Variants in MYRIP observed in about 807,000 individuals in gnomAD.
MYRIP encodes the protein myosin VIIA and Rab interacting protein.
Under a neutral mutation model 98.0 loss-of-function variants are expected in MYRIP, and 49 were observed. The ratio of observed to expected loss-of-function variants is 0.50; its 90% CI spans 0.40 to 0.63. MYRIP has a LOEUF of 0.63. Among genes scored for constraint, MYRIP ranks in the 30% least tolerant of loss-of-function variants. The probability of loss-of-function intolerance (pLI) is 0.00; values close to 1 mark genes in which losing one functional copy is unlikely to be tolerated. For missense variants in MYRIP, 1,004 were observed against 1,058.2 expected, an observed-to-expected ratio of 0.95 and a Z score of 0.71; for synonymous variants, 404 against 409.5, an observed-to-expected ratio of 0.99 and a Z score of 0.16.
chr3:40,182,515 G>A (rs937795157), intron 9 of MYRIP, 142 bp downstream of exon 9: 11 of 913,250 alleles, frequency 1.2e-5, no homozygotes, highest in Non-Finnish European at 1.8e-5. Flanking sequence ...CAAGTCATGA[G>A]GCCTCCAGCA....
chr3:40,032,552 C>T (rs1349641134), intron 2 of MYRIP, among the ~76,000 whole-genome samples: 1 of 152,112 alleles, frequency 6.6e-6, no homozygotes, highest in Non-Finnish European at 1.5e-5. Flanking sequence ...CCACTTGGTG[C>T]AGGCTCTGAA....
rs138976978 is a variant in MYRIP, at chr3:39,959,472, A to G, written c.110+58546A>G. ...CTCACTCATAGGTGGGAATTGAACA[A>G]TGAGAACACTTGGACACAGGGTGGG... is the stretch of plus-strand genomic sequence containing the variant. On this transcript the variant is annotated intron_variant, in intron 2 of 16. Transcript: ENST00000302541. Among the ~76,000 whole-genome samples, 1,060 of 152,170 alleles carry G rather than the reference A, an allele frequency of 7.0e-3. 11 individuals are homozygous for G. Among genetic ancestry groups the G allele is most frequent in the African/African-American group, 0.024 (1,011 of 41,518 alleles).
chr3:40,156,922 C>T (rs1317761480), intron 4 of MYRIP, among the ~76,000 whole-genome samples: 4 of 152,110 alleles, frequency 2.6e-5, no homozygotes, highest in Admixed American at 2.0e-4. Flanking sequence ...TCTAGATATA[C>T]AATCATGTCA....
At chr3:40,258,052 A>C in intron 16 of MYRIP, 82 bp from the exon 17 acceptor site, 1 of 1,452,444 alleles carries the variant, frequency 6.9e-7, no homozygotes, top group Non-Finnish European at 9.7e-7. Flanking sequence ...TTGATATTAA[A>C]AAGCAGTAAA....
At chr3:40,021,791 T>A (rs1025805223) in intron 2 of MYRIP, among the ~76,000 whole-genome samples, 1 of 152,216 alleles carries the variant, frequency 6.6e-6, no homozygotes, top group Non-Finnish European at 1.5e-5. Flanking sequence ...GAAGGAGGAA[T>A]GAAACAGCTT....
intron 3 of MYRIP, among the ~76,000 whole-genome samples, chr3:40,108,495 A>AG (rs1949097570): frequency 6.6e-6 from 1 of 152,188 alleles, no homozygotes; most frequent in Admixed American, 6.5e-5. Flanking sequence ...GGGCAGAGGA[A>AG]GAGGAGTCTT....
chr3:40,212,651 A>G (rs1266401717), intron 11 of MYRIP, among the ~76,000 whole-genome samples: 1 of 152,146 alleles, frequency 6.6e-6, no homozygotes, highest in African/African-American at 2.4e-5. Context: ...AGTCTCAGCT[A>G]TGTAAGAGGC....
At chr3:40,216,961 C>T (rs759670478) in intron 11 of MYRIP, among the ~76,000 whole-genome samples, 52 of 152,132 alleles carry the variant, frequency 3.4e-4, no homozygotes, top group Non-Finnish European at 6.9e-4. Flanking sequence ...TAAAAAATAA[C>T]ATGTGTGGCT....
chr3:40,019,663 G>T (rs1334926591), intron 2 of MYRIP, among the ~76,000 whole-genome samples: 2 of 151,990 alleles, frequency 1.3e-5, no homozygotes. Context: ...TTGGATGAAT[G>T]AATACATGAA....
At chr3:40,096,616 G>A (rs145166278) in intron 3 of MYRIP, among the ~76,000 whole-genome samples, 448 of 152,290 alleles carry the variant, frequency 2.9e-3, no homozygotes, top group Non-Finnish European at 5.2e-3. Flanking sequence ...CAGAATTCCT[G>A]CATGATCTCA....
At chr3:40,078,271 C>T (rs994140874) in intron 3 of MYRIP, among the ~76,000 whole-genome samples, 1 of 152,200 alleles carries the variant, frequency 6.6e-6, no homozygotes, top group Admixed American at 6.5e-5. Flanking sequence ...GGCCCGAAAG[C>T]GCTGTGTGCA....
rs1368653311 is a variant in MYRIP at position 39,876,223 on chromosome 3, A to G, written c.-30-24564A>G. ...ATCTTCTTCCATCGTTTTATTTTGA[A>G]CCTATGTGTGTCTGTCCACGTGAGA... On this transcript the variant is annotated intron_variant, in intron 1 of 16. Coordinates refer to ENST00000302541, the MANE Select transcript of MYRIP (RefSeq NM_015460.4). 7.6e-3 allele frequency among the ~76,000 whole-genome samples: 1,145 copies of G among 151,458 alleles called. 18 individuals carry two copies. The highest frequency in any genetic ancestry group is 0.026 in the African/African-American group (1,082 of 40,998).
At chr3:39,934,248 G>T (rs1490685059) in intron 2 of MYRIP, among the ~76,000 whole-genome samples, 1 of 152,160 alleles carries the variant, frequency 6.6e-6, no homozygotes, top group Non-Finnish European at 1.5e-5. Flanking sequence ...AGTACAGGCT[G>T]TGGTATTTCA....
rs370572536 is a variant in MYRIP at position 39,962,291 on chromosome 3, T to G, written c.110+61365T>G. Among the ~76,000 whole-genome samples, 89 of 152,242 alleles carry G rather than the reference T, an allele frequency of 5.8e-4. 1 individual carries two copies. The South Asian group carries it at 0.018, about 30-fold the overall frequency. On this transcript the variant is annotated intron_variant, in intron 2 of 16. Coordinates refer to ENST00000302541, the MANE Select transcript of MYRIP (RefSeq NM_015460.4). ...CCTCAGTAAGTGTCAGTGGTTATTG[T>G]GTCTAAACCCCTGACCTGTTGTTAT...
At chr3:39,813,990 T>C (rs1940788673) in intron 1 of MYRIP, among the ~76,000 whole-genome samples, 1 of 152,256 alleles carries the variant, frequency 6.6e-6, no homozygotes, top group South Asian at 2.1e-4. Context: ...TAGCTTAGCA[T>C]TCCTTTGATA....
chr3:39,882,151 T>C (rs1336613611), intron 1 of MYRIP, among the ~76,000 whole-genome samples: 1 of 152,154 alleles, frequency 6.6e-6, no homozygotes, highest in African/African-American at 2.4e-5. Flanking sequence ...AGCTGTAGTA[T>C]AATGAGTGAT....
chr3:40,062,815 C>A lies in MYRIP; in HGVS notation c.332+18544C>A, dbSNP rs908065191. Among the ~76,000 whole-genome samples, 27 of 152,174 alleles carry A rather than the reference C, an allele frequency of 1.8e-4. 1 individual carries two copies. Among genetic ancestry groups the A allele is most frequent in the Non-Finnish European group, 4.0e-4 (27 of 68,042 alleles). Reference sequence around the variant, plus strand: ...TGATCACTTCACTGAGTTATTTGTGCTGGTAGCATCGTGTGCCATTTTTCA... The same window carrying A: ...TGATCACTTCACTGAGTTATTTGTGATGGTAGCATCGTGTGCCATTTTTCA... On this transcript the variant is annotated intron_variant, in intron 3 of 16. Coordinates refer to ENST00000302541, the MANE Select transcript of MYRIP (RefSeq NM_015460.4).
chr3:40,062,822 C>T (rs750805425), intron 3 of MYRIP, among the ~76,000 whole-genome samples: 4 of 152,180 alleles, frequency 2.6e-5, no homozygotes, highest in Non-Finnish European at 4.4e-5. Context: ...GTGCTGGTAG[C>T]ATCGTGTGCC....
intron 1 of MYRIP, among the ~76,000 whole-genome samples, chr3:39,878,677 C>T (rs1286647379): frequency 1.3e-5 from 2 of 151,990 alleles, no homozygotes; most frequent in Non-Finnish European, 2.9e-5. Flanking sequence ...CTCCTTATGT[C>T]TATGACAATG....
Sources: allele counts gnomAD v4.1 joint callset (sites outside exome capture counted in the v4.1 genomes callset), GRCh38; gene constraint gnomAD v4.1.1; transcripts MANE v1.5; gene names NCBI Gene and HGNC (gene_info 2026-07-23, HGNC 2026-07-21).